The following ZBTB33 variants were observed in gnomAD, a reference collection of about 807,000 sequenced individuals.
ZBTB33 encodes the protein zinc finger and BTB domain containing 33, also known as transcriptional regulator Kaiso.
In ZBTB33, 11 loss-of-function variants were observed where a neutral mutation model predicts 25.9. That is an observed-to-expected ratio of 0.42 (90% CI 0.27 to 0.70). The LOEUF (loss-of-function observed/expected upper bound fraction) is 0.70, where lower values mean the gene tolerates loss of function less well. Ranked by LOEUF, ZBTB33 falls within the 30% of genes least tolerant of loss-of-function variation. The pLI is 0.23. For synonymous variants in ZBTB33, 157 were observed against 184.8 expected (o/e 0.85, Z 1.22); for missense variants, 343 against 501.1 (o/e 0.68, Z 3.01).
At position 120,254,049 on chromosome X, in the gene ZBTB33, A is replaced by T. The variant is rs1556014829; in HGVS notation, c.634A>T (p.Asn212Tyr). ...CACAAAGGAGACTTTGCCGAGTAAT[A>T]ACACAGTGGCACAGGTCCAATCTAA... Reference protein sequence around the residue: ...LPTKETLPSNNTVAQVQSNPG... With the variant: ...LPTKETLPSNYTVAQVQSNPG... The change falls in exon 3 of 3, where the codon AAC becomes TAC. Residue 212 changes from asparagine to tyrosine, a missense_variant. Asn to Tyr is a moderately radical substitution (Grantham distance 143, BLOSUM62 -2). Around this residue, in one of 2 missense-constraint regions of ZBTB33, gnomAD observed 304 missense variants for 410.0 expected, o/e 0.74. Coordinates refer to ENST00000557385, the MANE Select transcript of ZBTB33 (RefSeq NM_001184742.2). 1.2e-5 allele frequency: 15 copies of T among 1,210,793 alleles called. No individual in the cohort carries two copies. Among genetic ancestry groups the T allele is most frequent in the Non-Finnish European group, 1.7e-5 (15 of 894,844 alleles).
Position 120,253,459 on chromosome X carries a change from C to G in ZBTB33, c.44C>G (p.Ser15Cys). 1.7e-6 allele frequency: 2 copies of G among 1,211,944 alleles called. No homozygotes were observed. The highest frequency in any genetic ancestry group is 2.2e-6 in the Non-Finnish European group (2 of 895,549). The change falls in exon 3 of 3, where the codon TCT becomes TGT. Residue 15 changes from serine to cysteine, a missense_variant. Ser to Cys is a moderately radical substitution (Grantham distance 112, BLOSUM62 -1). This residue lies in a region of ZBTB33 where 39 missense variants were observed against 91.1 expected (regional missense o/e 0.43). Coordinates refer to ENST00000557385, the MANE Select transcript of ZBTB33 (RefSeq NM_001184742.2). ...KLISATDIQY[S>C]GSLLNSLNEQ... is the part of the protein sequence containing the mutation. Reference sequence around the variant, plus strand: ...ATTTCTGCTACAGACATTCAGTACTCTGGCAGTCTGCTGAACTCCTTGAAT... The same window carrying G: ...ATTTCTGCTACAGACATTCAGTACTGTGGCAGTCTGCTGAACTCCTTGAAT...
chrX:120,258,333 A>G lies in ZBTB33; in HGVS notation c.*2899A>G, dbSNP rs1377785970. 2 of 123,659 alleles carry G rather than the reference A, an allele frequency of 1.6e-5. No homozygotes were observed. Among genetic ancestry groups the G allele is most frequent in the Non-Finnish European group, 3.8e-5 (2 of 53,295 alleles). 10.2% of individuals were successfully genotyped at this position (123,659 alleles called of 1,213,427 possible). A position where few individuals can be genotyped will look rare whatever the true frequency, so the allele number is the denominator to read the frequency against. ...GTCATGACTTTAAGTTCTACTTTTC[A>G]TTAACCATGGCCTGATATTAGTTCT... On this transcript the variant is annotated 3_prime_UTR_variant, in exon 3 of 3. Coordinates refer to ENST00000557385, the MANE Select transcript of ZBTB33 (RefSeq NM_001184742.2).
rs2057594603 is a variant in ZBTB33 at position 120,250,928 on chromosome X, C to T, written c.-154C>T. 8.8e-6 allele frequency: 1 copy of T among 113,035 alleles called. No homozygotes were observed. The highest frequency in any genetic ancestry group is 3.2e-5 in the African/African-American group (1 of 31,068). The allele number at this position is 113,035 out of a possible 1,213,427, so 9.3% of individuals were successfully genotyped here. ...GCGGCTTCTTCTTGTTGGGGGACTCCCAGCCTTCCGCGCGTCCGGAGGAGG... is the reference window on the plus strand; with the variant it reads ...GCGGCTTCTTCTTGTTGGGGGACTCTCAGCCTTCCGCGCGTCCGGAGGAGG... On this transcript the variant is annotated 5_prime_UTR_variant, in exon 1 of 3. Coordinates refer to ENST00000557385, the MANE Select transcript of ZBTB33 (RefSeq NM_001184742.2).
rs2057645652 is a variant in ZBTB33, at chrX:120,257,419, A to G, written c.*1985A>G. ...AGAGCTTCCAGATCTTTCAGACTCA[A>G]CTGCTAGGTCAATTAGTTTGTCATA... is the stretch of plus-strand genomic sequence containing the variant. On this transcript the variant is annotated 3_prime_UTR_variant, in exon 3 of 3. Coordinates refer to ENST00000557385, the MANE Select transcript of ZBTB33 (RefSeq NM_001184742.2). 1 of 123,251 alleles carries G rather than the reference A, an allele frequency of 8.1e-6. No individual in the cohort carries two copies. Among genetic ancestry groups the G allele is most frequent in the Admixed American group, 9.5e-5 (1 of 10,572 alleles). The allele number at this position is 123,251 out of a possible 1,213,427, so 10.2% of individuals were successfully genotyped here. A position where few individuals can be genotyped will look rare whatever the true frequency, so the allele number is the denominator to read the frequency against.
chrX:120,250,977 G>A lies in ZBTB33; in HGVS notation c.-105G>A, dbSNP rs1322431118. ...GGAGAAGCGGCGGCGCCGGGAAGCA[G>A]GTGAGGACCCGGCCCCAATCAGGGA... On this transcript the variant is annotated splice_region_variant and 5_prime_UTR_variant, in exon 1 of 3. It adds an upstream start codon to the 5' untranslated region. Coordinates refer to ENST00000557385, the MANE Select transcript of ZBTB33 (RefSeq NM_001184742.2). 1 of 113,124 alleles carries A rather than the reference G, an allele frequency of 8.8e-6. No homozygotes were observed. The highest frequency in any genetic ancestry group is 9.2e-5 in the Admixed American group (1 of 10,840). 9.3% of individuals were successfully genotyped at this position (113,124 alleles called of 1,213,427 possible).
chrX:120,256,784 AATG>A lies in ZBTB33; in HGVS notation c.*1353_*1355del, dbSNP rs1428198136. On this transcript the variant is annotated 3_prime_UTR_variant, in exon 3 of 3. Transcript: ENST00000557385. ...ATAACAGAATTGTTGAACGTCTGTA[AATG>A]ATTTTTTTTTTTTTTGCAAAGGAAA... 1.2e-4 allele frequency: 14 copies of A among 121,381 alleles called. No homozygotes were observed. In the Admixed American group the frequency reaches 1.3e-3, roughly 12 times the overall value. The allele number at this position is 121,381 out of a possible 1,213,427, so 10.0% of individuals were successfully genotyped here.
rs1393324008 is a variant in ZBTB33 at position 120,253,283 on chromosome X, C to CA, written c.-2-125dup. The CA allele has an allele frequency of 1.0e-5, 7 of 703,235 alleles. No homozygotes were observed. In the Admixed American group the frequency reaches 2.6e-4, roughly 26 times the overall value. The allele number at this position is 703,235 out of a possible 1,213,427, so 58.0% of individuals were successfully genotyped here. A position where few individuals can be genotyped will look rare whatever the true frequency, so the allele number is the denominator to read the frequency against. Reference sequence around the variant, plus strand: ...CTGTATGAACAATTTCTGTAAAAGCCAAAAAATTATGCTGAACTTTGGTTA... The same window carrying CA: ...CTGTATGAACAATTTCTGTAAAAGCCAAAAAAATTATGCTGAACTTTGGTTA... On this transcript the variant is annotated intron_variant, in intron 2 of 2. Transcript: ENST00000557385.
rs1556015380 is a variant in ZBTB33 at position 120,256,057 on chromosome X, C to T, written c.*623C>T. 8.1e-6 allele frequency: 1 copy of T among 123,115 alleles called. No individual in the cohort carries two copies. Among genetic ancestry groups the T allele is most frequent in the Admixed American group, 9.5e-5 (1 of 10,553 alleles). 10.1% of individuals were successfully genotyped at this position (123,115 alleles called of 1,213,427 possible). On this transcript the variant is annotated 3_prime_UTR_variant, in exon 3 of 3. Transcript: ENST00000557385. ...TTTAGCTAATTAGAATTAATCCTGG[C>T]TTTCATTGCCATAGTCTGTAAAAGA...
In ZBTB33 at chrX:120,254,727, G is replaced by T; in HGVS notation, c.1312G>T (p.Gly438Cys). ...TGGTTGCAAGGTTTATGCAAATATC[G>T]GTGAAGATACTTATGATATAGTGAT... ...STGCKVYANI[G>C]EDTYDIVIPV... Residue 438 changes from glycine (G) to cysteine (C), a missense_variant, in exon 3 of 3, where the codon GGT becomes TGT. This residue lies in a region of ZBTB33 where 304 missense variants were observed against 410.0 expected (regional missense o/e 0.74). Coordinates refer to ENST00000557385, the MANE Select transcript of ZBTB33 (RefSeq NM_001184742.2). The T allele has an allele frequency of 8.3e-7, 1 of 1,211,200 alleles. No homozygotes were observed. The highest frequency in any genetic ancestry group is 1.1e-6 in the Non-Finnish European group (1 of 895,208).
rs782093686 is a variant in ZBTB33 at position 120,253,499 on chromosome X, T to C, written c.84T>C (p.His28=). The change falls in exon 3 of 3, where the codon CAT becomes CAC. Residue 28 remains histidine, a synonymous_variant. Coordinates refer to ENST00000557385, the MANE Select transcript of ZBTB33 (RefSeq NM_001184742.2). ...LLNSLNEQRG[H]GLFCDVTVIV... is the part of the protein sequence containing the mutation. Reference sequence around the variant, plus strand: ...ACTCCTTGAATGAGCAACGTGGCCATGGACTCTTCTGTGATGTTACCGTTA... The same window carrying C: ...ACTCCTTGAATGAGCAACGTGGCCACGGACTCTTCTGTGATGTTACCGTTA... 9 of 1,210,542 alleles carry C rather than the reference T, an allele frequency of 7.4e-6. No homozygotes were observed. The highest frequency in any genetic ancestry group is 8.9e-6 in the Non-Finnish European group (8 of 895,434).
In ZBTB33 at chrX:120,254,003, T is replaced by G; in HGVS notation, c.588T>G (p.Ile196Met). The G allele has an allele frequency of 3.3e-6, 4 of 1,194,766 alleles. No homozygotes were observed. Among genetic ancestry groups the G allele is most frequent in the African/African-American group, 1.8e-5 (1 of 56,968 alleles). Residue 196 changes from isoleucine (I) to methionine (M), a missense_variant, in exon 3 of 3, where the codon ATT (isoleucine) becomes ATG (methionine). Transcript: ENST00000557385. ...TDSDDDDDDVIFCSEILPTKE... is the reference protein window; with the variant it reads ...TDSDDDDDDVMFCSEILPTKE... Reference sequence around the variant, plus strand: ...CTGATGATGATGATGATGATGTCATTTTTTGCTCCGAGATTCTGCCCACAA... The same window carrying G: ...CTGATGATGATGATGATGATGTCATGTTTTGCTCCGAGATTCTGCCCACAA...
intron 1 of ZBTB33, among the ~76,000 whole-genome samples, chrX:120,252,417 A>G (rs1556014504): frequency 9.0e-6 from 1 of 110,963 alleles, no homozygotes; most frequent in Non-Finnish European, 1.9e-5. Context: ...ATCTTCTGCA[A>G]AGTGCAAAAA....
chrX:120,252,266 T>G (rs992890286), intron 1 of ZBTB33, among the ~76,000 whole-genome samples: 1 of 111,305 alleles, frequency 9.0e-6, no homozygotes, highest in Non-Finnish European at 1.9e-5. Flanking sequence ...TAAAAATATT[T>G]CTTCACTAAA....
chrX:120,253,551 C>T lies in ZBTB33; in HGVS notation c.136C>T (p.His46Tyr), dbSNP rs199889618. ...VIVEDRKFRA[H>Y]KNILSASSTY... ...TGTGGAAGACCGAAAATTCCGGGCT[C>T]ACAAGAATATTCTTTCAGCTTCTAG... is the stretch of plus-strand genomic sequence containing the variant. Residue 46 changes from histidine (H) to tyrosine (Y), a missense_variant, in exon 3 of 3, where the codon CAC becomes TAC. His to Tyr is a moderately conservative substitution (Grantham distance 83, BLOSUM62 2). Around this residue, in one of 2 missense-constraint regions of ZBTB33, gnomAD observed 39 missense variants for 91.1 expected, o/e 0.43. Transcript: ENST00000557385. 2 of 1,210,592 alleles carry T rather than the reference C, an allele frequency of 1.7e-6. No individual in the cohort carries two copies. The highest frequency in any genetic ancestry group is 2.2e-6 in the Non-Finnish European group (2 of 895,450).
At chrX:120,251,860 G>A (rs941237256) in intron 1 of ZBTB33, among the ~76,000 whole-genome samples, 5 of 112,351 alleles carry the variant, frequency 4.5e-5, no homozygotes, top group African/African-American at 1.6e-4. Context: ...ACCTGGACAC[G>A]TACATTTGAC....
rs1279968725 is a variant in ZBTB33, at chrX:120,258,148, A to G, written c.*2714A>G. The G allele has an allele frequency of 8.1e-6, 1 of 123,437 alleles. No individual in the cohort carries two copies. The highest frequency in any genetic ancestry group is 1.9e-5 in the Non-Finnish European group (1 of 53,203). The allele number at this position is 123,437 out of a possible 1,213,427, so 10.2% of individuals were successfully genotyped here. On this transcript the variant is annotated 3_prime_UTR_variant, in exon 3 of 3. Coordinates refer to ENST00000557385, the MANE Select transcript of ZBTB33 (RefSeq NM_001184742.2). ...CCCCATTGTACCAAAAAGATAAAAA[A>G]ATGGTAAACACTGATCAAGGTATTT...
At chrX:120,252,355 T>C (rs1603398191) in intron 1 of ZBTB33, among the ~76,000 whole-genome samples, 1 of 110,978 alleles carries the variant, frequency 9.0e-6, no homozygotes, top group Non-Finnish European at 1.9e-5. Context: ...GGATATTATA[T>C]ATTTTTAATA....
In ZBTB33 at chrX:120,256,985, C is replaced by G. The variant is rs142166317; in HGVS notation, c.*1551C>G. 3.3e-5 allele frequency: 4 copies of G among 122,514 alleles called. No homozygotes were observed. The highest frequency in any genetic ancestry group is 1.3e-4 in the African/African-American group (4 of 30,575). The allele number at this position is 122,514 out of a possible 1,213,427, so 10.1% of individuals were successfully genotyped here. On this transcript the variant is annotated 3_prime_UTR_variant, in exon 3 of 3. Coordinates refer to ENST00000557385, the MANE Select transcript of ZBTB33 (RefSeq NM_001184742.2). The stretch of plus-strand genomic sequence containing the variant: ...TAATCATAATTTCTCATGTATACAT[C>G]GTTCTTCTGATGGTAAGCTGGATTT...
intron 1 of ZBTB33, 111 bp from the exon 2 acceptor site, chrX:120,252,558 C>A (rs1361161971): frequency 9.0e-6 from 1 of 111,712 alleles, no homozygotes; most frequent in Non-Finnish European, 1.9e-5. Context: ...ATTCTCATAC[C>A]AATGCATATG....
Sources: allele counts gnomAD v4.1 joint callset (sites outside exome capture counted in the v4.1 genomes callset), GRCh38; gene constraint gnomAD v4.1.1; regional missense constraint gnomAD v4.1.1; transcripts MANE v1.5; gene names NCBI Gene and HGNC (gene_info 2026-07-23, HGNC 2026-07-21).